Variants in CENPP observed in about 807,000 individuals in gnomAD.
CENPP encodes centromere protein P.
A neutral mutation model predicts 35.6 loss-of-function variants in CENPP; 24 were observed. That is an observed-to-expected ratio of 0.67 (90% confidence interval 0.49 to 0.95). The LOEUF (loss-of-function observed/expected upper bound fraction) is 0.95. Ranked by LOEUF, CENPP falls within the 40% of genes least tolerant of loss-of-function variation. The probability of loss-of-function intolerance (pLI) is 0.00; values close to 1 mark genes in which losing one functional copy is unlikely to be tolerated. For missense variants in CENPP, 332 were observed against 345.3 expected (o/e 0.96, Z 0.31); for synonymous variants, 120 against 125.5 (o/e 0.96, Z 0.29).
chr9:92,566,006 G>C (rs555797977), intron 5 of CENPP, among the ~76,000 whole-genome samples: 1 of 152,224 alleles, frequency 6.6e-6, no homozygotes, highest in East Asian at 1.9e-4. Flanking sequence ...AAAATTGTAA[G>C]ACATACAAAG....
intron 5 of CENPP, among the ~76,000 whole-genome samples, chr9:92,581,386 T>A (rs1378529363): frequency 3.3e-5 from 5 of 151,834 alleles, no homozygotes; most frequent in Non-Finnish European, 4.4e-5. Flanking sequence ...AGATCCAAAA[T>A]ATATATATAT....
At position 92,476,709 on chromosome 9, in the gene CENPP, G is replaced by C. The variant is rs1483650662; in HGVS notation, c.564+96850G>C. 1.3e-5 allele frequency among the ~76,000 whole-genome samples: 2 copies of C among 152,172 alleles called. No individual in the cohort carries two copies. The highest frequency in any genetic ancestry group is 2.9e-5 in the Non-Finnish European group (2 of 68,030). On this transcript the variant is annotated intron_variant, in intron 5 of 7. Coordinates refer to ENST00000375587, the MANE Select transcript of CENPP (RefSeq NM_001012267.3). This position sits in a 1 kb window ranked among gnomAD's most constrained non-coding sequence, Gnocchi z 4.1. ...TCCCATCTGTACACTACTTTGTGGA[G>C]GTGTTAATTCAGATGTTATTCTAGA...
intron 4 of CENPP, among the ~76,000 whole-genome samples, chr9:92,377,020 G>A (rs1199942442): frequency 6.6e-6 from 1 of 150,866 alleles, no homozygotes; most frequent in African/African-American, 2.4e-5. Flanking sequence ...ACTCCAGAGT[G>A]AGACTTAGTC....
chr9:92,454,235 G>A (rs1470387996), intron 5 of CENPP, among the ~76,000 whole-genome samples: 2 of 152,188 alleles, frequency 1.3e-5, no homozygotes, highest in African/African-American at 4.8e-5. Flanking sequence ...ACAGCTGGAA[G>A]ATTGAAAATA....
chr9:92,455,233 A>C (rs1232891270), intron 5 of CENPP, among the ~76,000 whole-genome samples: 1 of 152,136 alleles, frequency 6.6e-6, no homozygotes, highest in African/African-American at 2.4e-5. Flanking sequence ...CCCTGTCTCC[A>C]CAAAAAATTA....
chr9:92,367,654 G>A (rs1841919214), intron 4 of CENPP, among the ~76,000 whole-genome samples: 1 of 151,998 alleles, frequency 6.6e-6, no homozygotes, highest in South Asian at 2.1e-4. Context: ...TTTCACTCTT[G>A]TTGCTCAGGC....
rs72752432 is a variant in CENPP at position 92,377,288 on chromosome 9, T to C, written c.468-2475T>C. 8.1e-3 allele frequency among the ~76,000 whole-genome samples: 1,236 copies of C among 152,348 alleles called. 8 individuals are homozygous for C. Among genetic ancestry groups the C allele is most frequent in the Non-Finnish European group, 0.015 (987 of 68,026 alleles). On this transcript the variant is annotated intron_variant, in intron 4 of 7. Transcript: ENST00000375587. ...ACCTAAATAATTTCTTTCTAGCTCCTGTATCAATTGCAAGAAAGTTCTGAC... is the reference window on the plus strand; with the variant it reads ...ACCTAAATAATTTCTTTCTAGCTCCCGTATCAATTGCAAGAAAGTTCTGAC...
intron 5 of CENPP, chr9:92,514,786 A>G: frequency 6.2e-7 from 1 of 1,614,024 alleles, no homozygotes; most frequent in Non-Finnish European, 8.5e-7. Context: ...TCGAGAGGGC[A>G]TTCGGAACAT....
At chr9:92,336,003 C>T (rs1840914288) in intron 2 of CENPP, among the ~76,000 whole-genome samples, 1 of 152,188 alleles carries the variant, frequency 6.6e-6, no homozygotes, top group South Asian at 2.1e-4. Flanking sequence ...AGTGAGTCTT[C>T]CATAGCTATT....
chr9:92,449,834 C>G (rs1414184143), intron 5 of CENPP, among the ~76,000 whole-genome samples: 1 of 152,194 alleles, frequency 6.6e-6, no homozygotes, highest in East Asian at 1.9e-4. Context: ...TCCCCAGAAG[C>G]AGACTCTGCC....
At chr9:92,348,389 A>G (rs1472339540) in intron 4 of CENPP, among the ~76,000 whole-genome samples, 2 of 146,112 alleles carry the variant, frequency 1.4e-5, no homozygotes, top group East Asian at 2.1e-4. Context: ...AGAACTTCCT[A>G]TAACTTTTTT....
intron 5 of CENPP, among the ~76,000 whole-genome samples, chr9:92,419,247 C>A (rs1385406580): frequency 6.6e-6 from 1 of 150,950 alleles, no homozygotes; most frequent in Non-Finnish European, 1.5e-5. Flanking sequence ...ATAAGAATTG[C>A]AATTATAGCT....
In CENPP at chr9:92,526,270, A is replaced by C. The variant is rs534537086; in HGVS notation, c.565-85044A>C. 4.6e-5 allele frequency among the ~76,000 whole-genome samples: 7 copies of C among 152,352 alleles called. No homozygotes were observed. The East Asian group carries it at 1.3e-3, about 29-fold the overall frequency. ...AAGTTAAAAAATAAAAATAGAAAAA[A>C]GCTTACAAAATTACGCTATAAAGAA... On this transcript the variant is annotated intron_variant, in intron 5 of 7. Transcript: ENST00000375587.
rs1342323014 is a variant in CENPP, at chr9:92,533,342, T to A, written c.565-77972T>A. Among the ~76,000 whole-genome samples the A allele has an allele frequency of 1.1e-3, 130 of 121,992 alleles. 1 individual carries two copies. Among genetic ancestry groups the A allele is most frequent in the East Asian group, 9.8e-3 (39 of 3,964 alleles). The allele number at this position is 121,992 out of a possible 152,430, so 80.0% of individuals were successfully genotyped here. A position where few individuals can be genotyped will look rare whatever the true frequency, so the allele number is the denominator to read the frequency against. On this transcript the variant is annotated intron_variant, in intron 5 of 7. Transcript: ENST00000375587. ...AAAAAAAAAAAAATATATATATATA[T>A]ATATATATATATATATGCTTTGGGT...
At chr9:92,516,182 G>T (rs1221621615) in intron 5 of CENPP, among the ~76,000 whole-genome samples, 1 of 151,650 alleles carries the variant, frequency 6.6e-6, no homozygotes, top group African/African-American at 2.4e-5. Context: ...TCCTGCCTCA[G>T]CCTCCCAAGT....
chr9:92,412,191 A>G (rs1389087201), intron 5 of CENPP, among the ~76,000 whole-genome samples: 2 of 152,108 alleles, frequency 1.3e-5, no homozygotes, highest in African/African-American at 2.4e-5. Context: ...GGCTCAAGCA[A>G]TCTTTCTGCT....
chr9:92,344,603 A>G (rs1244995688), intron 3 of CENPP, among the ~76,000 whole-genome samples: 3 of 152,002 alleles, frequency 2.0e-5, no homozygotes, highest in Admixed American at 6.5e-5. Context: ...GCTGTAGTGC[A>G]GTGGCACGAT....
intron 5 of CENPP, among the ~76,000 whole-genome samples, chr9:92,605,484 A>G (rs1851052972): frequency 6.6e-6 from 1 of 152,170 alleles, no homozygotes; most frequent in South Asian, 2.1e-4. Flanking sequence ...TATAAACCAG[A>G]GTATCTTTCA....
At chr9:92,375,346 G>A (rs1275003229) in intron 4 of CENPP, among the ~76,000 whole-genome samples, 2 of 151,272 alleles carry the variant, frequency 1.3e-5, no homozygotes, top group Non-Finnish European at 2.9e-5. Flanking sequence ...AGGCTGGAGC[G>A]CAGTGCCGCA....
Sources: allele counts gnomAD v4.1 joint callset (sites outside exome capture counted in the v4.1 genomes callset), GRCh38; gene constraint gnomAD v4.1.1; non-coding constraint Gnocchi (gnomAD v3.1); transcripts MANE v1.5; gene names NCBI Gene and HGNC (gene_info 2026-07-23, HGNC 2026-07-21).